The following JAM2 variants were observed in gnomAD, a reference collection of about 807,000 sequenced individuals.
The protein encoded by JAM2 is junctional adhesion molecule B.
In JAM2, 17 loss-of-function variants were observed where a neutral mutation model predicts 42.0. The ratio of observed to expected loss-of-function variants is 0.40; its 90% confidence interval spans 0.28 to 0.61. JAM2 has a LOEUF of 0.61. Among genes scored for constraint, JAM2 ranks in the 20% least tolerant of loss-of-function variants. JAM2 has a pLI of 0.37. For synonymous variants in JAM2, 118 were observed against 128.6 expected, an observed-to-expected ratio of 0.92 and a Z score of 0.56; for missense variants, 319 against 358.3, an observed-to-expected ratio of 0.89 and a Z score of 0.89.
chr21:25,673,246 GTTAAT>G (rs1265516414), intron 1 of JAM2, among the ~76,000 whole-genome samples: 1 of 152,126 alleles, frequency 6.6e-6, no homozygotes, highest in Non-Finnish European at 1.5e-5. Flanking sequence ...ACTTCGAGAA[GTTAAT>G]TTAATTACTT....
At chr21:25,670,323 A>G (rs2033329293) in intron 1 of JAM2, among the ~76,000 whole-genome samples, 1 of 152,074 alleles carries the variant, frequency 6.6e-6, no homozygotes, top group Non-Finnish European at 1.5e-5. Context: ...GTCTCTACAA[A>G]AAACACAAAA....
Position 25,717,502 on chromosome 21 carries a change from C to A in JAM2, c.*2830C>A. On this transcript the variant is annotated 3_prime_UTR_variant, in exon 10 of 10. Transcript: ENST00000480456. ...TTGATTGCTTTTCAATACAACTTTG[C>A]AAAGAACTTCCTTTTTCCACAGGTG... 1 of 950,220 alleles carries A rather than the reference C, an allele frequency of 1.1e-6. No individual in the cohort carries two copies. Among genetic ancestry groups the A allele is most frequent in the Non-Finnish European group, 1.5e-6 (1 of 689,340 alleles). 58.9% of individuals were successfully genotyped at this position (950,220 alleles called of 1,614,324 possible).
At chr21:25,676,115 C>T (rs1201316349) in intron 1 of JAM2, among the ~76,000 whole-genome samples, 5 of 151,586 alleles carry the variant, frequency 3.3e-5, no homozygotes, top group Non-Finnish European at 7.4e-5. Flanking sequence ...TGGTGAAACC[C>T]CGTCTCTACT....
At chr21:25,685,438 T>G (rs2123371620) in intron 2 of JAM2, among the ~76,000 whole-genome samples, 2 of 140,920 alleles carry the variant, frequency 1.4e-5, no homozygotes, top group East Asian at 4.2e-4. Context: ...GGTGGATGGA[T>G]CACTTGAGTG....
At chr21:25,685,659 T>G (rs1167069783) in intron 2 of JAM2, among the ~76,000 whole-genome samples, 1 of 151,538 alleles carries the variant, frequency 6.6e-6, no homozygotes, top group African/African-American at 2.4e-5. Flanking sequence ...TATAGAACAC[T>G]CTGGTATGAG....
At chr21:25,646,177 C>T (rs1187620898) in intron 1 of JAM2, among the ~76,000 whole-genome samples, 1 of 152,052 alleles carries the variant, frequency 6.6e-6, no homozygotes, top group Non-Finnish European at 1.5e-5. Context: ...TCTGTGGGAC[C>T]ACTGATATGG....
At chr21:25,696,172 G>A (rs373576479) in intron 4 of JAM2, among the ~76,000 whole-genome samples, 43 of 152,320 alleles carry the variant, frequency 2.8e-4, no homozygotes, top group African/African-American at 9.4e-4. Flanking sequence ...GATCACTCGC[G>A]GTTAGGAGCT....
At chr21:25,714,475 G>GTA in intron 9 of JAM2, 165 bp from the exon 10 acceptor site, 1 of 554,434 alleles carries the variant, frequency 1.8e-6, no homozygotes, top group South Asian at 2.5e-5. Flanking sequence ...TCCAGCCTGG[G>GTA]TAACAGAGCA....
At chr21:25,685,910 A>C (rs985140735) in intron 2 of JAM2, among the ~76,000 whole-genome samples, 1 of 152,250 alleles carries the variant, frequency 6.6e-6, no homozygotes, top group Admixed American at 6.5e-5. Context: ...TGCTGGGTCC[A>C]ACTGGGTGCA....
intron 1 of JAM2, among the ~76,000 whole-genome samples, chr21:25,652,149 G>A (rs1332893274): frequency 6.6e-6 from 1 of 152,060 alleles, no homozygotes; most frequent in Non-Finnish European, 1.5e-5. Context: ...ACTTTGGGAG[G>A]CCCAGGCAGG....
chr21:25,691,453 C>T (rs961667385), intron 3 of JAM2, among the ~76,000 whole-genome samples: 33 of 152,212 alleles, frequency 2.2e-4, no homozygotes, highest in Non-Finnish European at 1.5e-5. Flanking sequence ...AATCTTCTGT[C>T]CTCAAGCAAT....
rs983404706 is a variant in JAM2 at position 25,715,193 on chromosome 21, T to G, written c.*521T>G. On this transcript the variant is annotated 3_prime_UTR_variant, in exon 10 of 10. Coordinates refer to ENST00000480456, the MANE Select transcript of JAM2 (RefSeq NM_021219.4). ...CACCCACAGAAAGGAGGAAGCGGGATGGGTCTTATGCCCAAGGATTTGCAC... is the reference window on the plus strand; with the variant it reads ...CACCCACAGAAAGGAGGAAGCGGGAGGGGTCTTATGCCCAAGGATTTGCAC... 6.6e-6 allele frequency: 1 copy of G among 152,396 alleles called. No individual in the cohort carries two copies. Among genetic ancestry groups the G allele is most frequent in the African/African-American group, 2.4e-5 (1 of 41,450 alleles). The allele number at this position is 152,396 out of a possible 1,614,324, so 9.4% of individuals were successfully genotyped here.
At chr21:25,703,307 T>G (rs1478579947) in intron 6 of JAM2, among the ~76,000 whole-genome samples, 1 of 152,240 alleles carries the variant, frequency 6.6e-6, no homozygotes, top group Non-Finnish European at 1.5e-5. Flanking sequence ...ATTAGTTACT[T>G]TTTCTTAGCA....
intron 8 of JAM2, 108 bp downstream of exon 8, chr21:25,709,557 A>C (rs2123417553): frequency 1.5e-6 from 1 of 673,756 alleles, no homozygotes; most frequent in East Asian, 2.5e-5. Context: ...GTGTAGGTTT[A>C]CTCTCACAAG....
At chr21:25,709,547 G>C (rs1353601779) in intron 8 of JAM2, 98 bp downstream of exon 8, 8 of 762,760 alleles carry the variant, frequency 1.0e-5, no homozygotes, top group Middle Eastern at 2.5e-4. Context: ...TGGGTTATTT[G>C]TGTAGGTTTA....
intron 8 of JAM2, chr21:25,709,770 G>A (rs1392777539): frequency 1.7e-5 from 4 of 229,486 alleles, no homozygotes; most frequent in Non-Finnish European, 8.5e-6. Context: ...AAGGCAAAGC[G>A]GGAGCAGGCA....
chr21:25,701,321 T>C (rs894377347), intron 5 of JAM2, among the ~76,000 whole-genome samples: 1 of 152,198 alleles, frequency 6.6e-6, no homozygotes, highest in East Asian at 1.9e-4. Flanking sequence ...TCTAAGACAA[T>C]GACCCTTCAA....
chr21:25,662,854 A>ATT (rs1189658514), intron 1 of JAM2, among the ~76,000 whole-genome samples: 1 of 152,238 alleles, frequency 6.6e-6, no homozygotes, highest in Non-Finnish European at 1.5e-5. Context: ...TGGGTTAAGT[A>ATT]TGATGTAGAC....
chr21:25,658,451 T>C (rs1281796410), intron 1 of JAM2, among the ~76,000 whole-genome samples: 1 of 152,114 alleles, frequency 6.6e-6, no homozygotes, highest in African/African-American at 2.4e-5. Flanking sequence ...GAGAAATGTA[T>C]AACCACTCTG....
Sources: gnomAD v4.1 joint callset for allele counts (sites outside exome capture counted in the v4.1 genomes callset) on GRCh38, gnomAD v4.1.1 for gene constraint, MANE v1.5 for transcripts, NCBI Gene and HGNC (gene_info 2026-07-23, HGNC 2026-07-21) for gene names.